Variants in RIMKLB observed in about 807,000 individuals in gnomAD.
RIMKLB encodes ribosomal modification protein rimK like family member B, also known as beta-citrylglutamate synthase B.
A neutral mutation model predicts 32.0 loss-of-function variants in RIMKLB; 7 were observed. The ratio of observed to expected loss-of-function variants is 0.22; its 90% CI spans 0.12 to 0.41. The LOEUF is 0.41. Among genes scored for constraint, RIMKLB ranks in the 10% least tolerant of loss-of-function variants. RIMKLB has a pLI of 1.00. For missense variants in RIMKLB, 289 were observed against 498.7 expected, an observed-to-expected ratio of 0.58 and a Z score of 4.00; for synonymous variants, 172 against 185.1, an observed-to-expected ratio of 0.93 and a Z score of 0.57.
intron 5 of RIMKLB, among the ~76,000 whole-genome samples, chr12:8,757,694 T>C (rs1472862157): frequency 1.3e-5 from 2 of 152,196 alleles, no homozygotes; most frequent in South Asian, 2.1e-4. Flanking sequence ...AAACTAGTTA[T>C]TATTTTATGT....
Position 8,775,287 on chromosome 12 carries a change from T to A in RIMKLB, c.*1503T>A. The A allele has an allele frequency of 1.0e-6, 1 of 985,504 alleles. No individual in the cohort carries two copies. The highest frequency in any genetic ancestry group is 1.2e-6 in the Non-Finnish European group (1 of 829,880). 61.0% of individuals were successfully genotyped at this position (985,504 alleles called of 1,614,324 possible). A position where few individuals can be genotyped will look rare whatever the true frequency, so the allele number is the denominator to read the frequency against. Reference sequence around the variant, plus strand: ...ATTGAGTCTCTTATAGCCCTACTCTTAAGCCTTCAATACTGTCCACTCTTT... The same window carrying A: ...ATTGAGTCTCTTATAGCCCTACTCTAAAGCCTTCAATACTGTCCACTCTTT... On this transcript the variant is annotated 3_prime_UTR_variant, in exon 6 of 6. Transcript: ENST00000535829.
upstream of RIMKLB, among the ~76,000 whole-genome samples, chr12:8,677,983 A>G (rs998755949): frequency 6.6e-6 from 1 of 151,252 alleles, no homozygotes; most frequent in Non-Finnish European, 1.5e-5. Context: ...GCATCTTGCC[A>G]TGTTTCCCAG....
At chr12:8,777,673 A>T (rs1171367860), downstream of RIMKLB, 1 of 1,289,104 alleles carries the variant, frequency 7.8e-7, no homozygotes, top group Non-Finnish European at 1.0e-6. Flanking sequence ...CTTCCTGATG[A>T]TGAGTGAGAA....
At chr12:8,743,659 G>A (rs924575332) in intron 2 of RIMKLB, among the ~76,000 whole-genome samples, 2 of 151,778 alleles carry the variant, frequency 1.3e-5, no homozygotes, top group African/African-American at 4.9e-5. Context: ...TCAGATCAGA[G>A]CATAATCAGC....
chr12:8,700,076 G>A (rs1455934595), intron 1 of RIMKLB: 2 of 152,184 alleles, frequency 1.3e-5, no homozygotes, highest in South Asian at 2.1e-4. Flanking sequence ...GTATCTAGGA[G>A]TAGCAGGGAG....
downstream of RIMKLB, chr12:8,780,255 G>C (rs1565441746): frequency 6.6e-6 from 1 of 152,186 alleles, no homozygotes; most frequent in Non-Finnish European, 1.5e-5. Flanking sequence ...TATGGTATTT[G>C]TTCATAGGTT....
chr12:8,751,192 A>G (rs1441932874), intron 3 of RIMKLB, among the ~76,000 whole-genome samples: 3 of 152,212 alleles, frequency 2.0e-5, no homozygotes, highest in Admixed American at 6.5e-5. Context: ...GAAAGAAGGA[A>G]AAAAAGGTTA....
intron 5 of RIMKLB, among the ~76,000 whole-genome samples, chr12:8,756,424 A>G (rs1194922818): frequency 2.0e-5 from 3 of 152,322 alleles, no homozygotes; most frequent in South Asian, 4.1e-4. Flanking sequence ...CTATAATCAC[A>G]TGGATGAATC....
intron 2 of RIMKLB, among the ~76,000 whole-genome samples, chr12:8,720,583 C>T (rs1373589489): frequency 6.6e-6 from 1 of 152,144 alleles, no homozygotes; most frequent in East Asian, 1.9e-4. Context: ...GCTCTTGTCG[C>T]CCAGGCCGGA....
intron 5 of RIMKLB, among the ~76,000 whole-genome samples, chr12:8,767,298 T>TG (rs1193359966): frequency 2.0e-5 from 3 of 152,162 alleles, no homozygotes; most frequent in Non-Finnish European, 4.4e-5. Flanking sequence ...GCAAGGGTGG[T>TG]GGGGAACAGG....
At chr12:8,755,454 A>G (rs1488325734) in intron 5 of RIMKLB, among the ~76,000 whole-genome samples, 1 of 152,110 alleles carries the variant, frequency 6.6e-6, no homozygotes, top group African/African-American at 2.4e-5. Flanking sequence ...CCAAATCCTT[A>G]GAGGCATCCT....
intron 1 of RIMKLB, among the ~76,000 whole-genome samples, chr12:8,685,427 G>T (rs12306245): frequency 0.048 from 7,255 of 152,144 alleles, 509 homozygotes; most frequent in African/African-American, 0.15. Flanking sequence ...TCACATGCTC[G>T]TTCAGCATCT....
intron 5 of RIMKLB, among the ~76,000 whole-genome samples, chr12:8,768,928 A>T (rs977821757): frequency 1.1e-4 from 16 of 152,132 alleles, no homozygotes; most frequent in East Asian, 1.9e-4. Flanking sequence ...TTGTATTTTT[A>T]AAAAATTCTA....
intron 1 of RIMKLB, among the ~76,000 whole-genome samples, chr12:8,705,041 A>C (rs139777662): frequency 8.6e-5 from 13 of 151,974 alleles, no homozygotes; most frequent in Non-Finnish European, 1.2e-4. Flanking sequence ...ACTTTACTAA[A>C]TAGGTAAGTG....
At chr12:8,723,804 C>T (rs1332205015) in intron 2 of RIMKLB, among the ~76,000 whole-genome samples, 148 of 75,552 alleles carry the variant, frequency 2.0e-3, no homozygotes, top group African/African-American at 7.5e-3. Flanking sequence ...CTTCAGTTCC[C>T]TTTTTTTTTT....
chr12:8,761,206 T>C (rs951311755), intron 5 of RIMKLB, among the ~76,000 whole-genome samples: 1 of 147,744 alleles, frequency 6.8e-6, no homozygotes, highest in Non-Finnish European at 1.5e-5. Flanking sequence ...TAGCTTGGCA[T>C]GCTGGCACAT....
intron 1 of RIMKLB, among the ~76,000 whole-genome samples, chr12:8,712,624 A>G (rs926365994): frequency 6.6e-5 from 10 of 152,098 alleles, no homozygotes; most frequent in Admixed American, 5.9e-4. Context: ...AGAGAGAGGT[A>G]GGTGGTCAAG....
chr12:8,752,715 GT>G (rs1948718071), intron 4 of RIMKLB, among the ~76,000 whole-genome samples: 1 of 151,496 alleles, frequency 6.6e-6, no homozygotes, highest in African/African-American at 2.4e-5. Context: ...GTTTAGGTAG[GT>G]TGTTGTTGTT....
intron 2 of RIMKLB, among the ~76,000 whole-genome samples, chr12:8,748,468 A>G (rs891078124): frequency 1.3e-5 from 2 of 151,010 alleles, no homozygotes; most frequent in Admixed American, 1.3e-4. Context: ...CACAGTTCCA[A>G]GCATCCATTG....
Sources: gnomAD v4.1 joint callset for allele counts (sites outside exome capture counted in the v4.1 genomes callset) on GRCh38, gnomAD v4.1.1 for gene constraint, MANE v1.5 for transcripts, NCBI Gene and HGNC (gene_info 2026-07-23, HGNC 2026-07-21) for gene names.